Variants in AMZ2 observed in about 807,000 individuals in gnomAD.
AMZ2 encodes archaelysin family metallopeptidase 2.
Under a neutral mutation model 36.7 loss-of-function variants are expected in AMZ2, and 26 were observed. That is an observed-to-expected ratio of 0.71 (90% CI 0.52 to 0.98). The LOEUF is 0.98. Among genes scored for constraint, AMZ2 ranks in the 50% least tolerant of loss-of-function variants. The probability of loss-of-function intolerance (pLI) is 0.00; values close to 1 mark genes in which losing one functional copy is unlikely to be tolerated. For missense variants in AMZ2, 394 were observed against 430.5 expected (o/e 0.92, Z 0.75); for synonymous variants, 144 against 149.1 (o/e 0.97, Z 0.25).
At position 68,219,436 on chromosome 17, in the gene AMZ2, G is replaced by A. The variant is rs186969540; in HGVS notation, c.-67+13198G>A. ...CAAGGGAGGATATCCCAATTGCTATGCATCCTGGGCTAGAAGCAGTTCTTT... is the reference window on the plus strand; with the variant it reads ...CAAGGGAGGATATCCCAATTGCTATACATCCTGGGCTAGAAGCAGTTCTTT... On this transcript the variant is annotated intron_variant, in intron 1 of 7. Transcript: ENST00000674770. 2.0e-4 allele frequency among the ~76,000 whole-genome samples: 30 copies of A among 152,330 alleles called. 1 individual carries two copies. The highest frequency in any genetic ancestry group is 7.2e-4 in the African/African-American group (30 of 41,570).
At chr17:68,256,428 T>A (rs1599450072) in intron 6 of AMZ2, among the ~76,000 whole-genome samples, 1 of 152,230 alleles carries the variant, frequency 6.6e-6, no homozygotes, top group East Asian at 1.9e-4. Flanking sequence ...TGTTTTCACA[T>A]ACATATGTCT....
At chr17:68,238,821 A>G (rs1226424537) in intron 1 of AMZ2, among the ~76,000 whole-genome samples, 1 of 152,226 alleles carries the variant, frequency 6.6e-6, no homozygotes, top group Non-Finnish European at 1.5e-5. Flanking sequence ...AAAGTGGGAA[A>G]TCATAAACAA....
At chr17:68,250,508 G>A (rs1404837892) in intron 2 of AMZ2, 38 bp downstream of exon 2, 11 of 1,599,012 alleles carry the variant, frequency 6.9e-6, no homozygotes, top group Non-Finnish European at 9.4e-6. Flanking sequence ...GTTCAGTTTT[G>A]CAGTGGCGCT....
At position 68,255,771 on chromosome 17, in the gene AMZ2, C is replaced by G. The variant is rs1236682965; in HGVS notation, c.822C>G (p.Gly274=). The change falls in exon 6 of 7, where the codon GGC becomes GGG. Residue 274 remains glycine (G), a synonymous_variant. Coordinates refer to ENST00000359904, the MANE Select transcript of AMZ2 (RefSeq NM_016627.5). ...AGTGGCTTGCATGCCTCATGCAAGGCTCCAACCACTTGGAAGAAGCTGACC... is the reference window on the plus strand; with the variant it reads ...AGTGGCTTGCATGCCTCATGCAAGGGTCCAACCACTTGGAAGAAGCTGACC... ...HCQWLACLMQ[G]SNHLEEADRR... 1.2e-6 allele frequency: 2 copies of G among 1,614,028 alleles called. No homozygotes were observed. The highest frequency in any genetic ancestry group is 2.7e-5 in the African/African-American group (2 of 74,912).
chr17:68,234,564 C>T (rs1439306350), intron 1 of AMZ2, among the ~76,000 whole-genome samples: 2 of 151,806 alleles, frequency 1.3e-5, no homozygotes, highest in Non-Finnish European at 2.9e-5. Flanking sequence ...AATTCAAGGC[C>T]AGCCTGGTTA....
At chr17:68,222,439 C>A (rs1443476280) in intron 1 of AMZ2, among the ~76,000 whole-genome samples, 1 of 152,198 alleles carries the variant, frequency 6.6e-6, no homozygotes, top group Non-Finnish European at 1.5e-5. Context: ...TTGTGGAAGA[C>A]AATTTTTCCA....
upstream of AMZ2, among the ~76,000 whole-genome samples, chr17:68,246,195 CAAAAAAAAAA>C (rs57477453): frequency 2.5e-4 from 21 of 83,828 alleles, no homozygotes; most frequent in Non-Finnish European, 3.6e-4. Context: ...ACTAAAAATA[CAAAAAAAAAA>C]AAAAAAAAAA....
intron 1 of AMZ2, among the ~76,000 whole-genome samples, chr17:68,232,228 G>A (rs1429926505): frequency 2.0e-5 from 3 of 151,546 alleles, no homozygotes; most frequent in African/African-American, 7.3e-5. Context: ...TGGACGTGAT[G>A]TCTCACGTCT....
intron 1 of AMZ2, among the ~76,000 whole-genome samples, chr17:68,224,609 A>C (rs1466803318): frequency 6.8e-6 from 1 of 148,138 alleles, no homozygotes; most frequent in African/African-American, 2.5e-5. Flanking sequence ...ACACTGGTGC[A>C]GTCATAGCTC....
At chr17:68,236,486 T>G (rs1383540618) in intron 1 of AMZ2, among the ~76,000 whole-genome samples, 1 of 150,818 alleles carries the variant, frequency 6.6e-6, no homozygotes, top group African/African-American at 2.4e-5. Flanking sequence ...GCAAAATAAA[T>G]ATTGCTAAAA....
At chr17:68,207,446 A>G (rs1194434219) in intron 1 of AMZ2, 3 of 152,168 alleles carry the variant, frequency 2.0e-5, no homozygotes, top group Non-Finnish European at 4.4e-5. Context: ...TAATTAAATT[A>G]GAATCTGTTT....
chr17:68,254,593 G>C (rs1356362655), intron 5 of AMZ2, 26 bp downstream of exon 5: 2 of 1,578,580 alleles, frequency 1.3e-6, no homozygotes, highest in Middle Eastern at 1.7e-4. Flanking sequence ...AATCTGACAG[G>C]ACAGTTCTTT....
At chr17:68,246,195 CAAAAAAAAA>C (rs57477453), upstream of AMZ2, among the ~76,000 whole-genome samples, 670 of 83,834 alleles carry the variant, frequency 8.0e-3, 8 homozygotes, top group Admixed American at 0.019. Context: ...ACTAAAAATA[CAAAAAAAAA>C]AAAAAAAAAA....
rs1455073299 is a variant in AMZ2 at position 68,218,984 on chromosome 17, C to T, written c.-67+12746C>T. On this transcript the variant is annotated intron_variant, in intron 1 of 7. Coordinates refer to the AMZ2 transcript ENST00000674770. ...CTATATGTAACCCCCTACCTCAACC[C>T]TCCAAGATTTATTTTTTATTTTTTG... 2.6e-5 allele frequency among the ~76,000 whole-genome samples: 4 copies of T among 152,132 alleles called. 1 individual carries two copies. The South Asian group carries it at 6.2e-4, about 24-fold the overall frequency.
rs1568337751 is a variant in AMZ2 at position 68,209,634 on chromosome 17, T to TA, written c.-67+3396_-67+3397insA. ...TGTATATATATATATATATATATAT[T>TA]TTTTTTTTTTTTTATACAGAGTCTC... On this transcript the variant is annotated intron_variant, in intron 1 of 7. Coordinates refer to the AMZ2 transcript ENST00000674770. Among the ~76,000 whole-genome samples, 160 of 84,684 alleles carry TA rather than the reference T, an allele frequency of 1.9e-3. 1 individual carries two copies. Among genetic ancestry groups the TA allele is most frequent in the Admixed American group, 6.3e-3 (50 of 7,966 alleles). 55.6% of individuals were successfully genotyped at this position (84,684 alleles called of 152,430 possible). A position where few individuals can be genotyped will look rare whatever the true frequency, so the allele number is the denominator to read the frequency against.
chr17:68,246,392 T>C (rs782122280), upstream of AMZ2, among the ~76,000 whole-genome samples: 5 of 151,850 alleles, frequency 3.3e-5, no homozygotes. Flanking sequence ...AAAAAAGATG[T>C]GCTGTAATTG....
Position 68,250,266 on chromosome 17 carries a change from G to A in AMZ2, c.79G>A (p.Glu27Lys), listed in dbSNP as rs781814763. Residue 27 changes from glutamate to lysine, a missense_variant, in exon 2 of 7, where the codon GAG (glutamate) becomes AAG (lysine). Transcript: ENST00000359904. ...SKNPVLVSQYEKLNAGEQRLM... is the reference protein window; with the variant it reads ...SKNPVLVSQYKKLNAGEQRLM... The stretch of plus-strand genomic sequence containing the variant: ...GAACCCAGTGCTTGTATCACAGTAT[G>A]AGAAATTAAATGCTGGGGAACAACG... 6.8e-6 allele frequency: 11 copies of A among 1,614,136 alleles called. No homozygotes were observed. The East Asian group carries it at 2.5e-4, about 36-fold the overall frequency.
chr17:68,219,191 G>A (rs193065266), intron 1 of AMZ2, among the ~76,000 whole-genome samples: 25 of 152,092 alleles, frequency 1.6e-4, no homozygotes, highest in Non-Finnish European at 2.6e-4. Flanking sequence ...GGTCTTGAAC[G>A]CCTGACCTTG....
intron 1 of AMZ2, among the ~76,000 whole-genome samples, chr17:68,239,186 C>T (rs546569686): frequency 6.6e-6 from 1 of 152,318 alleles, no homozygotes; most frequent in South Asian, 2.1e-4. Flanking sequence ...AGCCCTGGCT[C>T]TGAGCACAAT....
Sources: gnomAD v4.1 joint callset for allele counts (sites outside exome capture counted in the v4.1 genomes callset) on GRCh38, gnomAD v4.1.1 for gene constraint, MANE v1.5 for transcripts, NCBI Gene and HGNC (gene_info 2026-07-23, HGNC 2026-07-21) for gene names.